NTNG1: variants seen among roughly 807,000 people sequenced by gnomAD.
NTNG1 encodes netrin G1.
In NTNG1, 16 loss-of-function variants were observed where a neutral mutation model predicts 54.0. The observed-to-expected ratio is 0.30, with a 90% CI of 0.20 to 0.45. NTNG1 has a LOEUF of 0.45. NTNG1 is among the 20% of genes least tolerant of loss of function. The pLI, the probability that NTNG1 is intolerant of heterozygous loss-of-function variation, is 1.00. For synonymous variants in NTNG1, 255 were observed against 263.1 expected, an observed-to-expected ratio of 0.97 and a Z score of 0.30; for missense variants, 530 against 678.7, an observed-to-expected ratio of 0.78 and a Z score of 2.43.
chr1:107,156,450 C>T (rs1029897993), intron 2 of NTNG1, among the ~76,000 whole-genome samples: 4 of 151,368 alleles, frequency 2.6e-5, no homozygotes, highest in East Asian at 1.9e-4. Flanking sequence ...TTATAACCAA[C>T]GGAAAAAAGA....
intron 3 of NTNG1, among the ~76,000 whole-genome samples, chr1:107,390,078 T>C (rs763514447): frequency 1.8e-4 from 27 of 152,178 alleles, no homozygotes; most frequent in Non-Finnish European, 3.7e-4. Context: ...TTTTCACATC[T>C]GATTGGAATG....
chr1:107,200,110 G>A (rs1276441428), intron 2 of NTNG1, among the ~76,000 whole-genome samples: 2 of 151,744 alleles, frequency 1.3e-5, no homozygotes, highest in Non-Finnish European at 1.5e-5. Flanking sequence ...CAGATTCTTG[G>A]ATACTGCTTT....
intron 2 of NTNG1, among the ~76,000 whole-genome samples, chr1:107,154,613 A>G (rs1018584352): frequency 8.7e-5 from 13 of 150,188 alleles, no homozygotes; most frequent in South Asian, 2.1e-4. Context: ...AAAAAAAAAA[A>G]AAAAAAAAAA....
intron 3 of NTNG1, among the ~76,000 whole-genome samples, chr1:107,383,603 C>A (rs927975342): frequency 2.0e-5 from 3 of 152,150 alleles, no homozygotes; most frequent in African/African-American, 7.2e-5. Context: ...TTTTATTTAT[C>A]TTCATAGCAG....
chr1:107,286,584 T>C (rs1031438071), intron 2 of NTNG1, among the ~76,000 whole-genome samples: 3 of 152,196 alleles, frequency 2.0e-5, no homozygotes, highest in African/African-American at 4.8e-5. Flanking sequence ...ATATTTGTTA[T>C]AGCTACACAT....
intron 3 of NTNG1, among the ~76,000 whole-genome samples, chr1:107,372,491 T>C (rs1003091209): frequency 5.3e-5 from 8 of 152,132 alleles, no homozygotes; most frequent in Non-Finnish European, 1.2e-4. Context: ...ATTTTTCTGT[T>C]ATGAATTTTC....
chr1:107,438,114 A>G (rs1485731590), intron 7 of NTNG1, among the ~76,000 whole-genome samples: 1 of 152,164 alleles, frequency 6.6e-6, no homozygotes, highest in African/African-American at 2.4e-5. Flanking sequence ...AGAATGTTCT[A>G]TCTGTTACTT....
intron 2 of NTNG1, among the ~76,000 whole-genome samples, chr1:107,304,310 C>T (rs775872869): frequency 8.6e-5 from 13 of 151,984 alleles, no homozygotes; most frequent in Non-Finnish European, 1.9e-4. Flanking sequence ...CTAGTACACA[C>T]ATTCAACTAT....
intron 2 of NTNG1, among the ~76,000 whole-genome samples, chr1:107,213,447 G>C (rs1018686866): frequency 6.6e-6 from 1 of 152,148 alleles, no homozygotes; most frequent in East Asian, 1.9e-4. Context: ...TGGAGCATGC[G>C]TGGAAGGCTG....
chr1:107,337,112 A>G (rs1433961010), intron 3 of NTNG1, among the ~76,000 whole-genome samples: 1 of 151,988 alleles, frequency 6.6e-6, no homozygotes, highest in Non-Finnish European at 1.5e-5. Context: ...CATTCTGGGT[A>G]TATATCCAAA....
chr1:107,421,064 A>C, intron 5 of NTNG1: 1 of 1,585,090 alleles, frequency 6.3e-7, no homozygotes, highest in Non-Finnish European at 8.6e-7. Context: ...TTTACTGTTC[A>C]TTCTTTTAAA....
At chr1:107,378,563 G>A (rs1258422631) in intron 3 of NTNG1, among the ~76,000 whole-genome samples, 1 of 152,164 alleles carries the variant, frequency 6.6e-6, no homozygotes, top group Admixed American at 6.5e-5. Context: ...CACGGGAGCT[G>A]GGAATGAGTT....
At chr1:107,184,038 A>T (rs1356647582) in intron 2 of NTNG1, among the ~76,000 whole-genome samples, 1 of 152,106 alleles carries the variant, frequency 6.6e-6, no homozygotes, top group Non-Finnish European at 1.5e-5. Context: ...AGTACAATCG[A>T]TCTATCTACT....
intron 1 of NTNG1, among the ~76,000 whole-genome samples, chr1:107,145,926 C>A (rs1343754412): frequency 2.0e-5 from 3 of 152,036 alleles, no homozygotes; most frequent in Admixed American, 2.0e-4. Flanking sequence ...AAAGGGTTCA[C>A]ATATATTTCC....
intron 3 of NTNG1, among the ~76,000 whole-genome samples, chr1:107,369,298 G>A (rs1421527282): frequency 6.6e-6 from 1 of 152,134 alleles, no homozygotes; most frequent in Admixed American, 6.5e-5. Context: ...GTAAACATAA[G>A]TTTAACTCTT....
At chr1:107,375,697 T>G (rs11185100) in intron 3 of NTNG1, among the ~76,000 whole-genome samples, 24,186 of 152,218 alleles carry the variant, frequency 0.16, 2,381 homozygotes, top group East Asian at 0.37. Context: ...CCCACTTTAG[T>G]GCCTCCACCT....
intron 2 of NTNG1, among the ~76,000 whole-genome samples, chr1:107,290,963 T>TATTATA (rs199789100): frequency 5.6e-5 from 8 of 142,530 alleles, no homozygotes; most frequent in Admixed American, 2.1e-4. Flanking sequence ...TATATATATA[T>TATTATA]TATATATATA....
intron 2 of NTNG1, among the ~76,000 whole-genome samples, chr1:107,323,680 A>C (rs555461778): frequency 6.6e-6 from 1 of 152,110 alleles, no homozygotes; most frequent in Non-Finnish European, 1.5e-5. Flanking sequence ...CCTTTAGGGT[A>C]CCACATTTTA....
intron 4 of NTNG1, among the ~76,000 whole-genome samples, chr1:107,401,720 A>G (rs971124240): frequency 2.0e-5 from 3 of 151,746 alleles, no homozygotes; most frequent in African/African-American, 7.3e-5. Context: ...GGGCTGAATA[A>G]TAAAGTTCAG....
Sources: allele counts gnomAD v4.1 joint callset (sites outside exome capture counted in the v4.1 genomes callset), GRCh38; gene constraint gnomAD v4.1.1; transcripts MANE v1.5; gene names NCBI Gene and HGNC (gene_info 2026-07-23, HGNC 2026-07-21).